The following ATG5 variants were observed in gnomAD, a reference collection of about 807,000 sequenced individuals.
ATG5 encodes the protein autophagy protein 5.
ATG5 carries 14 observed loss-of-function variants against 36.5 expected under a neutral mutation model. The ratio of observed to expected loss-of-function variants is 0.38; its 90% CI spans 0.25 to 0.60. The LOEUF (loss-of-function observed/expected upper bound fraction) is 0.60. ATG5 is among the 20% of genes least tolerant of loss of function. The pLI, the probability that ATG5 is intolerant of heterozygous loss-of-function variation, is 0.60. For missense variants in ATG5, 195 were observed against 326.7 expected (o/e 0.60, Z 3.11); for synonymous variants, 95 against 101.5 (o/e 0.94, Z 0.38).
In ATG5 at chr6:106,281,902, A is replaced by T. The variant is rs146735895; in HGVS notation, c.316-2079T>A. ...AATGTAATGTCTCTTTGTGGTTTTA[A>T]TTTACATTTCCATGATGACTAAAGA... On this transcript the variant is annotated intron_variant, in intron 4 of 7. Coordinates refer to ENST00000369076, the MANE Select transcript of ATG5 (RefSeq NM_004849.4). 5.7e-3 allele frequency among the ~76,000 whole-genome samples: 868 copies of T among 152,252 alleles called. 10 individuals carry two copies. The highest frequency in any genetic ancestry group is 9.5e-3 in the Non-Finnish European group (645 of 68,022).
chr6:106,208,929 T>C (rs1042102716), intron 6 of ATG5, among the ~76,000 whole-genome samples: 3 of 152,150 alleles, frequency 2.0e-5, no homozygotes, highest in African/African-American at 7.2e-5. Flanking sequence ...TGAAAACATA[T>C]CTCACACATC....
intron 6 of ATG5, among the ~76,000 whole-genome samples, chr6:106,229,484 G>A (rs1460415671): frequency 1.3e-5 from 2 of 151,856 alleles, no homozygotes; most frequent in African/African-American, 2.4e-5. Context: ...GAGAGGAGAG[G>A]GAGAGAGACA....
intron 1 of ATG5, among the ~76,000 whole-genome samples, chr6:106,320,533 G>T (rs1222468645): frequency 6.6e-6 from 1 of 151,504 alleles, no homozygotes; most frequent in Admixed American, 6.6e-5. Flanking sequence ...AACATCACAC[G>T]TGACCTTTAG....
intron 4 of ATG5, chr6:106,283,482 A>C (rs1405040943): frequency 1.3e-5 from 2 of 152,164 alleles, no homozygotes; most frequent in Admixed American, 1.3e-4. Flanking sequence ...TCCCAGTACT[A>C]ATCAGCACGG....
At chr6:106,287,691 C>T (rs1195723176) in intron 4 of ATG5, among the ~76,000 whole-genome samples, 1 of 152,100 alleles carries the variant, frequency 6.6e-6, no homozygotes, top group East Asian at 1.9e-4. Flanking sequence ...TTTAAAGACC[C>T]CACTATTTTC....
chr6:106,265,637 G>A (rs533109667), intron 5 of ATG5, among the ~76,000 whole-genome samples: 117 of 152,238 alleles, frequency 7.7e-4, no homozygotes, highest in African/African-American at 2.8e-3. Flanking sequence ...CAAAATAATG[G>A]AAATCATAAT....
intron 6 of ATG5, among the ~76,000 whole-genome samples, chr6:106,240,111 G>A (rs532532015): frequency 1.6e-3 from 246 of 151,788 alleles, no homozygotes; most frequent in African/African-American, 5.5e-3. Context: ...TCCCACCACA[G>A]AATCCCAAAC....
chr6:106,229,091 C>T (rs1371723653), intron 6 of ATG5, among the ~76,000 whole-genome samples: 1 of 152,240 alleles, frequency 6.6e-6, no homozygotes, highest in Non-Finnish European at 1.5e-5. Flanking sequence ...AAAGTGTAGC[C>T]CCAAAATTCT....
chr6:106,307,535 CTTTTT>C (rs34511184), intron 3 of ATG5, among the ~76,000 whole-genome samples: 3 of 105,158 alleles, frequency 2.9e-5, no homozygotes, highest in African/African-American at 7.0e-5. Flanking sequence ...TTTCAATACC[CTTTTT>C]TTTTTTTTTT....
chr6:106,320,090 T>C (rs1771004286), intron 1 of ATG5, among the ~76,000 whole-genome samples: 1 of 152,236 alleles, frequency 6.6e-6, no homozygotes, highest in East Asian at 1.9e-4. Context: ...TGTCAGATGA[T>C]TTTTCTAAAA....
chr6:106,207,301 T>C (rs1003454508), intron 6 of ATG5, among the ~76,000 whole-genome samples: 3 of 152,174 alleles, frequency 2.0e-5, no homozygotes, highest in South Asian at 2.1e-4. Flanking sequence ...AGCTCAGAGA[T>C]ATATTGAAGA....
At chr6:106,320,302 T>G (rs1047269260) in intron 1 of ATG5, among the ~76,000 whole-genome samples, 1 of 152,220 alleles carries the variant, frequency 6.6e-6, no homozygotes, top group Non-Finnish European at 1.5e-5. Context: ...TTGGAGATAT[T>G]AATACATCCT....
At chr6:106,216,624 A>C (rs1471941622) in intron 6 of ATG5, among the ~76,000 whole-genome samples, 1 of 152,198 alleles carries the variant, frequency 6.6e-6, no homozygotes, top group Non-Finnish European at 1.5e-5. Context: ...GTTTCTTTTT[A>C]GGGTGATGAA....
At chr6:106,306,826 A>G (rs1770465512) in intron 3 of ATG5, among the ~76,000 whole-genome samples, 1 of 152,150 alleles carries the variant, frequency 6.6e-6, no homozygotes, top group Admixed American at 6.5e-5. Context: ...TCGCCTTCCC[A>G]TTCCAAAATC....
At chr6:106,310,149 C>T (rs1356805433) in intron 2 of ATG5, among the ~76,000 whole-genome samples, 1 of 152,094 alleles carries the variant, frequency 6.6e-6, no homozygotes, top group Non-Finnish European at 1.5e-5. Context: ...ATTTCCACTG[C>T]CCAAAATAGT....
intron 4 of ATG5, among the ~76,000 whole-genome samples, chr6:106,280,274 C>CAAAAAAAAAAAA (rs71793771): frequency 1.1e-5 from 1 of 87,358 alleles, no homozygotes; most frequent in Non-Finnish European, 2.4e-5. Context: ...AGTATTATGT[C>CAAAAAAAAAAAA]AAAAAAAAAA....
chr6:106,203,476 G>C (rs1038832807), intron 6 of ATG5, among the ~76,000 whole-genome samples: 1 of 152,282 alleles, frequency 6.6e-6, no homozygotes, highest in East Asian at 1.9e-4. Context: ...ATGTTAAAGA[G>C]AATAAAAGCA....
chr6:106,279,631 T>C (rs1429805742), intron 5 of ATG5, 30 bp downstream of exon 5: 1 of 1,411,100 alleles, frequency 7.1e-7, no homozygotes, highest in South Asian at 1.7e-5. Flanking sequence ...TATAAAGTGG[T>C]ATTCTAAAAT....
intron 5 of ATG5, among the ~76,000 whole-genome samples, chr6:106,260,850 G>T (rs1450885352): frequency 1.3e-5 from 2 of 152,158 alleles, no homozygotes; most frequent in Non-Finnish European, 2.9e-5. Flanking sequence ...CATCACTATA[G>T]CCACTAATCA....
Sources: allele counts gnomAD v4.1 joint callset (sites outside exome capture counted in the v4.1 genomes callset), GRCh38; gene constraint gnomAD v4.1.1; transcripts MANE v1.5; gene names NCBI Gene and HGNC (gene_info 2026-07-23, HGNC 2026-07-21).